The following ARHGEF12 variants were observed in gnomAD, a reference collection of about 807,000 sequenced individuals.
ARHGEF12 encodes the protein KMT2A/ARHGEF12 fusion protein.
ARHGEF12 carries 66 observed loss-of-function variants against 211.2 expected under a neutral mutation model. The observed-to-expected ratio is 0.31, with a 90% CI of 0.26 to 0.38. The LOEUF is 0.38. ARHGEF12 is among the 10% of genes least tolerant of loss of function. ARHGEF12 has a pLI of 1.00. For synonymous variants in ARHGEF12, 592 were observed against 638.4 expected, an observed-to-expected ratio of 0.93 and a Z score of 1.09; for missense variants, 1,429 against 1,869.5, an observed-to-expected ratio of 0.76 and a Z score of 4.34.
chr11:120,354,283 G>A (rs1028876912), intron 1 of ARHGEF12, among the ~76,000 whole-genome samples: 3 of 152,126 alleles, frequency 2.0e-5, no homozygotes, highest in Non-Finnish European at 4.4e-5. Flanking sequence ...GTGGTTGGGT[G>A]AGTCAGGACT....
Position 120,377,271 on chromosome 11 carries a change from A to G in ARHGEF12, c.33-28847A>G, listed in dbSNP as rs1943751991. Among the ~76,000 whole-genome samples, 3 of 152,144 alleles carry G rather than the reference A, an allele frequency of 2.0e-5. No homozygotes were observed. In the South Asian group the frequency reaches 6.2e-4, roughly 31 times the overall value. ...AAAATTGTCTCTGCTTTCTGTCACA[A>G]TAGTTTTGCCTTTTCTACTTCATGT... On this transcript the variant is annotated intron_variant, in intron 1 of 40. Transcript: ENST00000397843.
chr11:120,451,591 G>A lies in ARHGEF12; in HGVS notation c.1923G>A (p.Gln641=). 1 of 1,614,160 alleles carries A rather than the reference G, an allele frequency of 6.2e-7. No homozygotes were observed. The highest frequency in any genetic ancestry group is 8.5e-7 in the Non-Finnish European group (1 of 1,180,040). The change falls in exon 22 of 41, where the codon CAG becomes CAA. Residue 641 remains glutamine, a synonymous_variant. Coordinates refer to ENST00000397843, the MANE Select transcript of ARHGEF12 (RefSeq NM_015313.3). ...STPSSVSPEP[Q]DSAKLRQSGL... is the part of the protein sequence containing the mutation. Reference sequence around the variant, plus strand: ...CCTCATCTGTGAGTCCTGAACCTCAGGACTCTGCCAAGTTGCGCCAGAGTG... The same window carrying A: ...CCTCATCTGTGAGTCCTGAACCTCAAGACTCTGCCAAGTTGCGCCAGAGTG...
At chr11:120,342,612 T>C (rs899671761) in intron 1 of ARHGEF12, among the ~76,000 whole-genome samples, 1 of 152,220 alleles carries the variant, frequency 6.6e-6, no homozygotes, top group Admixed American at 6.5e-5. Context: ...TGCAAAAATA[T>C]GGGTAAAGAG....
Position 120,446,881 on chromosome 11 carries a change from T to C in ARHGEF12, c.1452-67T>C, listed in dbSNP as rs1005096717. The C allele has an allele frequency of 4.5e-6, 7 of 1,556,204 alleles. No individual in the cohort carries two copies. The African/African-American group carries it at 8.2e-5, about 18-fold the overall frequency. On this transcript the variant is annotated intron_variant, in intron 17 of 40. Transcript: ENST00000397843. ...GAAACCATAGCTGTGAAGACTGTGATGAAGCGTCCCCAGAATGAGGTAGTT... is the reference window on the plus strand; with the variant it reads ...GAAACCATAGCTGTGAAGACTGTGACGAAGCGTCCCCAGAATGAGGTAGTT...
In ARHGEF12 at chr11:120,428,071, G is replaced by A; in HGVS notation, c.409G>A (p.Gly137Ser). Reference protein sequence around the residue: ...HLEVVKLIKSGSYVALTVQGR... With the variant: ...HLEVVKLIKSSSYVALTVQGR... ...TTTTTCCGTCTCCCCACCCCAAGCTGGTTCCTATGTAGCTCTCACTGTTCA... is the reference window on the plus strand; with the variant it reads ...TTTTTCCGTCTCCCCACCCCAAGCTAGTTCCTATGTAGCTCTCACTGTTCA... Residue 137 changes from glycine (G) to serine (S), a missense_variant and splice_region_variant, in exon 8 of 41, where the codon GGT becomes AGT. Gly to Ser is a moderately conservative substitution (Grantham distance 56, BLOSUM62 0). Around this residue, in one of 7 missense-constraint regions of ARHGEF12, gnomAD observed 254 missense variants for 286.4 expected, o/e 0.89. Transcript: ENST00000397843. The A allele has an allele frequency of 3.8e-6, 6 of 1,564,776 alleles. No homozygotes were observed. Among genetic ancestry groups the A allele is most frequent in the Non-Finnish European group, 4.3e-6 (5 of 1,155,940 alleles).
chr11:120,462,491 T>C (rs1175441706), intron 27 of ARHGEF12: 1 of 152,190 alleles, frequency 6.6e-6, no homozygotes, highest in East Asian at 1.9e-4. Flanking sequence ...CATGAGCACA[T>C]GGTTTTGGAA....
At chr11:120,421,602 G>T (rs538818389) in intron 5 of ARHGEF12, among the ~76,000 whole-genome samples, 1 of 151,750 alleles carries the variant, frequency 6.6e-6, no homozygotes, top group African/African-American at 2.4e-5. Context: ...CACACCCAGT[G>T]AATTTTTGTA....
intron 1 of ARHGEF12, among the ~76,000 whole-genome samples, chr11:120,381,487 C>G (rs1197179504): frequency 6.6e-6 from 1 of 152,206 alleles, no homozygotes; most frequent in Non-Finnish European, 1.5e-5. Flanking sequence ...TTGTCATTAG[C>G]CTTACAATTT....
At position 120,360,673 on chromosome 11, in the gene ARHGEF12, G is replaced by A. The variant is rs1300043376; in HGVS notation, c.32+23398G>A. 4.6e-5 allele frequency among the ~76,000 whole-genome samples: 7 copies of A among 152,270 alleles called. No homozygotes were observed. In the East Asian group the frequency reaches 5.8e-4, roughly 13 times the overall value. ...TTCCCAAAGTGCTGGGAATTCAGGC[G>A]TGAGCCACCATGCCTGGCCAGTAAT... On this transcript the variant is annotated intron_variant, in intron 1 of 40. Transcript: ENST00000397843.
At chr11:120,459,908 A>C (rs1219329981) in intron 26 of ARHGEF12, among the ~76,000 whole-genome samples, 2 of 152,104 alleles carry the variant, frequency 1.3e-5, no homozygotes, top group Admixed American at 6.6e-5. Context: ...GGGTTTCACC[A>C]TGTTGGCCAG....
intron 1 of ARHGEF12, among the ~76,000 whole-genome samples, chr11:120,348,473 GA>G (rs1314278502): frequency 6.6e-6 from 1 of 152,136 alleles, no homozygotes; most frequent in Non-Finnish European, 1.5e-5. Flanking sequence ...GCCACAGGTG[GA>G]AAATTCTACA....
intron 27 of ARHGEF12, chr11:120,463,876 A>T (rs921568460): frequency 2.0e-5 from 3 of 152,228 alleles, no homozygotes; most frequent in Non-Finnish European, 4.4e-5. Flanking sequence ...TATGGAAAAC[A>T]TCTTCGTAAA....
At chr11:120,474,029 TGA>T (rs1946954080) in intron 31 of ARHGEF12, among the ~76,000 whole-genome samples, 2 of 152,230 alleles carry the variant, frequency 1.3e-5, no homozygotes, top group Non-Finnish European at 2.9e-5. Flanking sequence ...TTCCAAAGAA[TGA>T]GAGTTTTCTA....
chr11:120,379,811 TTATTATG>T (rs1205303639), intron 1 of ARHGEF12, among the ~76,000 whole-genome samples: 1 of 152,120 alleles, frequency 6.6e-6, no homozygotes, highest in African/African-American at 2.4e-5. Context: ...AATGGTCTCT[TTATTATG>T]TATTATGTAT....
intron 26 of ARHGEF12, among the ~76,000 whole-genome samples, chr11:120,460,012 A>T (rs1324983868): frequency 6.6e-6 from 1 of 152,166 alleles, no homozygotes; most frequent in Non-Finnish European, 1.5e-5. Context: ...CCCCGGCCTC[A>T]GGAATTATTT....
intron 29 of ARHGEF12, 71 bp from the exon 30 acceptor site, chr11:120,469,217 A>G (rs934870632): frequency 4.2e-5 from 50 of 1,178,912 alleles, no homozygotes; most frequent in Non-Finnish European, 5.3e-5. Context: ...ATGAAATGAA[A>G]TCTCATTTAC....
At chr11:120,409,222 C>A in intron 3 of ARHGEF12, 172 bp from the exon 4 acceptor site, 1 of 563,574 alleles carries the variant, frequency 1.8e-6, no homozygotes, top group Non-Finnish European at 3.1e-6. Context: ...TAAAATATGT[C>A]ATTACCTGTG....
Position 120,465,120 on chromosome 11 carries a change from G to T in ARHGEF12, c.2614-117G>T, listed in dbSNP as rs535721274. 5.9e-5 allele frequency: 78 copies of T among 1,311,898 alleles called. No individual in the cohort carries two copies. In the East Asian group the frequency reaches 1.7e-3, roughly 29 times the overall value. The allele number at this position is 1,311,898 out of a possible 1,614,324, so 81.3% of individuals were successfully genotyped here. ...CATTGATATTCCACATAGATATGCA[G>T]TTCTGTGTATTTTGTCACTTGAAAT... On this transcript the variant is annotated intron_variant, in intron 27 of 40. Transcript: ENST00000397843.
chr11:120,409,718 G>T, intron 4 of ARHGEF12: 1 of 326,642 alleles, frequency 3.1e-6, no homozygotes, highest in South Asian at 6.1e-5. Flanking sequence ...ATGGTAGGAA[G>T]GTGATTATCT....
Sources: allele counts gnomAD v4.1 joint callset (sites outside exome capture counted in the v4.1 genomes callset), GRCh38; gene constraint gnomAD v4.1.1; regional missense constraint gnomAD v4.1.1; transcripts MANE v1.5; gene names NCBI Gene and HGNC (gene_info 2026-07-23, HGNC 2026-07-21).